ICA1L: variants seen among roughly 807,000 people sequenced by gnomAD.
ICA1L encodes islet cell autoantigen 1 like, also known as islet cell autoantigen 1-like protein.
ICA1L carries 50 observed loss-of-function variants against 61.3 expected under a neutral mutation model. That is an observed-to-expected ratio of 0.82 (90% confidence interval 0.65 to 1.03). The LOEUF (loss-of-function observed/expected upper bound fraction) is 1.03, where lower values mean the gene tolerates loss of function less well. ICA1L is among the 50% of genes least tolerant of loss of function. The pLI, the probability that ICA1L is intolerant of heterozygous loss-of-function variation, is 0.00. For missense variants in ICA1L, 508 were observed against 556.7 expected (o/e 0.91, Z 0.88); for synonymous variants, 161 against 191.3 (o/e 0.84, Z 1.31).
At chr2:202,791,266 G>A (rs1330851859) in intron 10 of ICA1L, among the ~76,000 whole-genome samples, 1 of 152,114 alleles carries the variant, frequency 6.6e-6, no homozygotes, top group Admixed American at 6.5e-5. Flanking sequence ...GCTGGAAGAA[G>A]CAAAAATGAT....
intron 9 of ICA1L, among the ~76,000 whole-genome samples, chr2:202,797,182 CAT>C (rs765196984): frequency 7.5e-5 from 9 of 119,790 alleles, no homozygotes; most frequent in Middle Eastern, 5.9e-3. Context: ...ATAAATGAAA[CAT>C]AATACCAGAG....
At chr2:202,863,175 C>T (rs2105890953) in intron 1 of ICA1L, among the ~76,000 whole-genome samples, 1 of 152,006 alleles carries the variant, frequency 6.6e-6, no homozygotes, top group African/African-American at 2.4e-5. Flanking sequence ...ACCTGTAATC[C>T]CAGCTACTTG....
chr2:202,785,936 G>A lies in ICA1L; in HGVS notation c.1315C>T (p.Pro439Ser). Reference protein sequence around the residue: ...TDNQPVPSQSPKKLTRSPNNG... With the variant: ...TDNQPVPSQSSKKLTRSPNNG... ...AACTTACATCTTGTTAATTTCTTTGGACTCTGTGAAGGCACTGGCTGGTTA... is the reference window on the plus strand; with the variant it reads ...AACTTACATCTTGTTAATTTCTTTGAACTCTGTGAAGGCACTGGCTGGTTA... Residue 439 changes from proline to serine, a missense_variant, in exon 12 of 13, where the codon CCA (proline) becomes TCA (serine). By Grantham distance (74) the Pro-to-Ser change is moderately conservative. Transcript: ENST00000358299. The A allele has an allele frequency of 6.3e-7, 1 of 1,589,350 alleles. No homozygotes were observed. The highest frequency in any genetic ancestry group is 8.6e-7 in the Non-Finnish European group (1 of 1,159,958).
chr2:202,801,498 A>C (rs1693085355), intron 9 of ICA1L, among the ~76,000 whole-genome samples: 1 of 152,240 alleles, frequency 6.6e-6, no homozygotes, highest in African/African-American at 2.4e-5. Context: ...CTTCCTCAGT[A>C]GAGTTCTTAA....
intron 9 of ICA1L, among the ~76,000 whole-genome samples, chr2:202,811,016 C>CTT (rs1449091434): frequency 6.6e-6 from 1 of 152,186 alleles, no homozygotes; most frequent in Non-Finnish European, 1.5e-5. Flanking sequence ...AACTTCGCCC[C>CTT]TGTCCTGTGG....
At chr2:202,839,725 T>G (rs1377888244) in intron 1 of ICA1L, among the ~76,000 whole-genome samples, 1 of 152,076 alleles carries the variant, frequency 6.6e-6, no homozygotes, top group Non-Finnish European at 1.5e-5. Context: ...AGTACTACCA[T>G]TTTGTTCATT....
At chr2:202,829,282 GGAGCTTGCGGTGAGCC>G in intron 1 of ICA1L, 1 of 199,724 alleles carries the variant, frequency 5.0e-6, no homozygotes, top group South Asian at 1.6e-4. Context: ...CCCGGGAGGC[GGAGCTTGCGGTGAGCC>G]GAGATCGCGC....
chr2:202,852,583 T>G (rs1407111750), intron 1 of ICA1L, among the ~76,000 whole-genome samples: 1 of 141,370 alleles, frequency 7.1e-6, no homozygotes, highest in Non-Finnish European at 1.5e-5. Flanking sequence ...GGCAGGAGAA[T>G]GGCGTGAACC....
chr2:202,792,667 A>G (rs1405024860), intron 10 of ICA1L, among the ~76,000 whole-genome samples: 1 of 152,064 alleles, frequency 6.6e-6, no homozygotes, highest in Non-Finnish European at 1.5e-5. Flanking sequence ...TTAGCCGGGC[A>G]TGGTGACACA....
At chr2:202,792,903 C>T (rs952450812) in intron 10 of ICA1L, among the ~76,000 whole-genome samples, 3 of 152,188 alleles carry the variant, frequency 2.0e-5, no homozygotes, top group Non-Finnish European at 4.4e-5. Flanking sequence ...AAAGGACTAC[C>T]TTTTGTATGG....
chr2:202,870,256 T>C (rs1345602958), intron 1 of ICA1L, among the ~76,000 whole-genome samples: 1 of 152,202 alleles, frequency 6.6e-6, no homozygotes, highest in Non-Finnish European at 1.5e-5. Flanking sequence ...ATTTTTATGA[T>C]ATTTATAATA....
At chr2:202,855,500 T>C (rs1449765380) in intron 1 of ICA1L, among the ~76,000 whole-genome samples, 1 of 152,096 alleles carries the variant, frequency 6.6e-6, no homozygotes, top group African/African-American at 2.4e-5. Flanking sequence ...GAGAATACTA[T>C]AAACACCTCT....
chr2:202,820,168 G>A (rs1477090249), intron 4 of ICA1L: 2 of 387,172 alleles, frequency 5.2e-6, no homozygotes, highest in African/African-American at 4.1e-5. Flanking sequence ...GAGGTCAGGA[G>A]TTTGAGACCA....
At chr2:202,847,164 C>T (rs1294801725) in intron 1 of ICA1L, among the ~76,000 whole-genome samples, 1 of 152,158 alleles carries the variant, frequency 6.6e-6, no homozygotes, top group Non-Finnish European at 1.5e-5. Flanking sequence ...AACAATCTCT[C>T]CATATTCCAG....
intron 1 of ICA1L, among the ~76,000 whole-genome samples, chr2:202,868,488 G>A (rs1687589488): frequency 6.6e-6 from 1 of 152,120 alleles, no homozygotes; most frequent in African/African-American, 2.4e-5. Flanking sequence ...AGCTTTATGT[G>A]GGCAGAGATT....
intron 10 of ICA1L, among the ~76,000 whole-genome samples, chr2:202,793,823 C>T (rs1360948451): frequency 2.0e-5 from 3 of 151,212 alleles, no homozygotes; most frequent in Non-Finnish European, 4.4e-5. Context: ...CCCATCTCTA[C>T]TAAAAATACA....
rs1015093212 is a variant in ICA1L at position 202,841,670 on chromosome 2, C to A, written c.-7-12654G>T. 4 of 565,642 alleles carry A rather than the reference C, an allele frequency of 7.1e-6. No individual in the cohort carries two copies. The African/African-American group carries it at 7.5e-5, about 11-fold the overall frequency. 35.0% of individuals were successfully genotyped at this position (565,642 alleles called of 1,614,324 possible). The stretch of plus-strand genomic sequence containing the variant: ...GCCCACTCGGGAGAAGCTCAAGGAG[C>A]TGATGCAGGCACCGGGCCCACGCGC... On this transcript the variant is annotated intron_variant, in intron 1 of 12. Transcript: ENST00000358299.
At chr2:202,803,314 T>C (rs892415656) in intron 9 of ICA1L, among the ~76,000 whole-genome samples, 2 of 143,958 alleles carry the variant, frequency 1.4e-5, no homozygotes, top group East Asian at 2.1e-4. Flanking sequence ...AGCAGGAGAA[T>C]CTCTTGAACC....
intron 1 of ICA1L, among the ~76,000 whole-genome samples, chr2:202,864,733 T>A (rs940500198): frequency 6.6e-6 from 1 of 152,128 alleles, no homozygotes; most frequent in East Asian, 1.9e-4. Context: ...AAAATCAGTC[T>A]ATGGGCCAGG....
Sources: allele counts gnomAD v4.1 joint callset (sites outside exome capture counted in the v4.1 genomes callset), GRCh38; gene constraint gnomAD v4.1.1; transcripts MANE v1.5; gene names NCBI Gene and HGNC (gene_info 2026-07-23, HGNC 2026-07-21).